RIT2: variants seen among roughly 807,000 people sequenced by gnomAD.
The protein encoded by RIT2 is GTP-binding protein Rit2.
In RIT2, 24 loss-of-function variants were observed where a neutral mutation model predicts 23.7. The observed-to-expected ratio is 1.01, with a 90% CI of 0.73 to 1.43. The LOEUF (loss-of-function observed/expected upper bound fraction) is 1.43, where lower values mean the gene tolerates loss of function less well. Ranked by LOEUF, RIT2 falls within the 40% of genes most tolerant of loss-of-function variation. The pLI is 0.00. For synonymous variants in RIT2, 107 were observed against 91.1 expected, an observed-to-expected ratio of 1.17 and a Z score of -0.99; for missense variants, 236 against 266.9, an observed-to-expected ratio of 0.88 and a Z score of 0.81.
At chr18:42,928,871 T>G (rs2144141468) in intron 3 of RIT2, among the ~76,000 whole-genome samples, 1 of 151,626 alleles carries the variant, frequency 6.6e-6, no homozygotes, top group East Asian at 1.9e-4. Context: ...ATCATTTGTT[T>G]TTTGGTATTT....
At chr18:43,082,364 C>T (rs1439744827) in intron 1 of RIT2, among the ~76,000 whole-genome samples, 1 of 152,022 alleles carries the variant, frequency 6.6e-6, no homozygotes, top group Non-Finnish European at 1.5e-5. Context: ...GGGACTCCTC[C>T]CTAAGTCATT....
intron 2 of RIT2, among the ~76,000 whole-genome samples, chr18:43,003,822 C>T (rs939409423): frequency 6.7e-6 from 1 of 148,974 alleles, no homozygotes; most frequent in African/African-American, 2.5e-5. Context: ...TAATATTGCT[C>T]TCCTAGGCCT....
chr18:42,931,304 C>T (rs1190209100), intron 3 of RIT2, among the ~76,000 whole-genome samples: 1 of 152,034 alleles, frequency 6.6e-6, no homozygotes, highest in East Asian at 1.9e-4. Context: ...GTATCAAATC[C>T]TTAAACTAAA....
intron 2 of RIT2, among the ~76,000 whole-genome samples, chr18:43,008,173 A>G (rs1486628764): frequency 6.6e-6 from 1 of 151,712 alleles, no homozygotes; most frequent in Non-Finnish European, 1.5e-5. Context: ...AATGGATAAC[A>G]GTAGAGAGCA....
chr18:42,864,843 G>T (rs1047843098), intron 4 of RIT2, among the ~76,000 whole-genome samples: 2 of 152,140 alleles, frequency 1.3e-5, no homozygotes, highest in Non-Finnish European at 2.9e-5. Flanking sequence ...TATCCTGAAA[G>T]GTGGGGATTG....
At chr18:42,915,706 A>G (rs1216408666) in intron 4 of RIT2, among the ~76,000 whole-genome samples, 1 of 151,738 alleles carries the variant, frequency 6.6e-6, no homozygotes, top group Non-Finnish European at 1.5e-5. Flanking sequence ...TAGATGTGCA[A>G]CATAAACGGT....
chr18:42,826,298 T>C (rs1246183882), intron 4 of RIT2, among the ~76,000 whole-genome samples: 1 of 152,052 alleles, frequency 6.6e-6, no homozygotes. Flanking sequence ...CCAAGACCAT[T>C]CACGTATTAA....
intron 4 of RIT2, among the ~76,000 whole-genome samples, chr18:42,900,480 C>CA (rs1908446641): frequency 6.6e-6 from 1 of 151,988 alleles, no homozygotes; most frequent in Admixed American, 6.6e-5. Flanking sequence ...AGCCTCATTG[C>CA]ACTATGCCTT....
intron 3 of RIT2, among the ~76,000 whole-genome samples, chr18:42,924,219 G>A (rs1004660961): frequency 5.4e-4 from 82 of 152,150 alleles, no homozygotes; most frequent in African/African-American, 1.7e-3. Context: ...TTTGCCATAC[G>A]TCTGCCAAGG....
rs1905364629 is a variant in RIT2 at position 42,796,463 on chromosome 18, A to G, written c.427-52743T>C. Among the ~76,000 whole-genome samples, 3 of 46,562 alleles carry G rather than the reference A, an allele frequency of 6.4e-5. No individual in the cohort carries two copies. In the South Asian group the frequency reaches 4.7e-3, roughly 73 times the overall value. The allele number at this position is 46,562 out of a possible 152,430, so 30.5% of individuals were successfully genotyped here. On this transcript the variant is annotated intron_variant, in intron 4 of 4. Transcript: ENST00000326695. ...AAGTCAGTGAGACCAAGAACCCACC[A>G]ATTCCGGACACAGCTGGGTGCTGTG...
At chr18:43,092,923 A>G (rs1913459088) in intron 1 of RIT2, among the ~76,000 whole-genome samples, 2 of 152,052 alleles carry the variant, frequency 1.3e-5, no homozygotes, top group Admixed American at 1.3e-4. Flanking sequence ...TACACGTTAA[A>G]TAATGTTATT....
intron 4 of RIT2, among the ~76,000 whole-genome samples, chr18:42,817,084 T>G (rs1906019394): frequency 6.6e-6 from 1 of 152,102 alleles, no homozygotes; most frequent in African/African-American, 2.4e-5. Flanking sequence ...CTTTTTTTTT[T>G]TGTCAGTTTC....
intron 3 of RIT2, among the ~76,000 whole-genome samples, chr18:42,934,267 T>C (rs757066446): frequency 2.8e-4 from 42 of 152,218 alleles, no homozygotes; most frequent in Non-Finnish European, 7.4e-5. Flanking sequence ...TTGTGTTTCA[T>C]TGCACTTTTA....
At chr18:42,931,248 G>A (rs1909317993) in intron 3 of RIT2, among the ~76,000 whole-genome samples, 1 of 152,124 alleles carries the variant, frequency 6.6e-6, no homozygotes, top group Admixed American at 6.6e-5. Context: ...TGCACTTTAA[G>A]GGGAATGAGG....
Position 42,961,972 on chromosome 18 carries a change from A to G in RIT2, c.234+12102T>C, listed in dbSNP as rs542871393. 7.9e-4 allele frequency among the ~76,000 whole-genome samples: 120 copies of G among 152,292 alleles called. 2 individuals carry two copies. The South Asian group carries it at 0.011, about 14-fold the overall frequency. ...TAATGAGCAGATGATGTTTGGCTGC[A>G]TCTCACCTGTCTCACCTATGTTTTG... On this transcript the variant is annotated intron_variant, in intron 3 of 4. Coordinates refer to ENST00000326695, the MANE Select transcript of RIT2 (RefSeq NM_002930.4).
At chr18:42,897,097 C>T (rs1908350554) in intron 4 of RIT2, among the ~76,000 whole-genome samples, 1 of 152,324 alleles carries the variant, frequency 6.6e-6, no homozygotes, top group Non-Finnish European at 1.5e-5. Context: ...CAAGGTTCTA[C>T]AGGTACTACA....
At chr18:43,068,737 T>C (rs1912831966) in intron 1 of RIT2, among the ~76,000 whole-genome samples, 1 of 152,016 alleles carries the variant, frequency 6.6e-6, no homozygotes, top group African/African-American at 2.4e-5. Flanking sequence ...GGTAAGGTAG[T>C]AATTGATTGA....
At chr18:43,111,604 T>C (rs1164947308) in intron 1 of RIT2, among the ~76,000 whole-genome samples, 1 of 152,088 alleles carries the variant, frequency 6.6e-6, no homozygotes, top group East Asian at 1.9e-4. Flanking sequence ...TATGTACAAA[T>C]AAACATAAAA....
intron 1 of RIT2, among the ~76,000 whole-genome samples, chr18:43,097,327 A>G (rs1229154766): frequency 6.6e-6 from 1 of 151,916 alleles, no homozygotes; most frequent in Non-Finnish European, 1.5e-5. Flanking sequence ...TAGAGTTTAT[A>G]TTATAGAGAA....
Sources: allele counts gnomAD v4.1 joint callset (sites outside exome capture counted in the v4.1 genomes callset), GRCh38; gene constraint gnomAD v4.1.1; transcripts MANE v1.5; gene names NCBI Gene and HGNC (gene_info 2026-07-23, HGNC 2026-07-21).